Variants in MCM6 observed in about 807,000 individuals in gnomAD.
MCM6 encodes DNA replication licensing factor MCM6.
MCM6 carries 46 observed loss-of-function variants against 94.3 expected under a neutral mutation model. That is an observed-to-expected ratio of 0.49 (90% CI 0.39 to 0.62). MCM6 has a LOEUF of 0.62. Among genes scored for constraint, MCM6 ranks in the 20% least tolerant of loss-of-function variants. The pLI, the probability that MCM6 is intolerant of heterozygous loss-of-function variation, is 0.00. For missense variants in MCM6, 865 were observed against 1,017.9 expected (o/e 0.85, Z 2.04); for synonymous variants, 335 against 351.9 (o/e 0.95, Z 0.54).
chr2:135,858,141 C>A, intron 9 of MCM6, 137 bp from the exon 10 acceptor site: 1 of 739,214 alleles, frequency 1.4e-6, no homozygotes, highest in Non-Finnish European at 2.4e-6. Flanking sequence ...TTACAGTGAG[C>A]CATGATTGCC....
intron 1 of MCM6, among the ~76,000 whole-genome samples, chr2:135,874,092 G>A (rs1680252834): frequency 6.6e-6 from 1 of 152,198 alleles, no homozygotes; most frequent in Admixed American, 6.5e-5. Flanking sequence ...TTTTGTGACA[G>A]GGAGTTGGCA....
chr2:135,870,111 G>A, intron 3 of MCM6, 140 bp downstream of exon 3: 1 of 574,286 alleles, frequency 1.7e-6, no homozygotes, highest in Non-Finnish European at 3.2e-6. Flanking sequence ...CTGAGGCTCA[G>A]GGAGGTAAAA....
intron 1 of MCM6, 141 bp from the exon 2 acceptor site, chr2:135,872,984 A>C: frequency 1.0e-6 from 1 of 964,408 alleles, no homozygotes; most frequent in East Asian, 2.6e-5. Flanking sequence ...GGGGCAAGTT[A>C]CTCCTCCCTT....
intron 3 of MCM6, 77 bp from the exon 4 acceptor site, chr2:135,868,937 T>A: frequency 7.2e-7 from 1 of 1,387,028 alleles, no homozygotes; most frequent in Non-Finnish European, 1.0e-6. Flanking sequence ...GAGAGGGTAT[T>A]CAAAGATAAT....
chr2:135,861,286 C>T (rs1679988246), intron 8 of MCM6, among the ~76,000 whole-genome samples: 2 of 151,996 alleles, frequency 1.3e-5, no homozygotes, highest in Non-Finnish European at 2.9e-5. Flanking sequence ...TTTTAATATT[C>T]ATGGCTCGGT....
chr2:135,863,723 T>TAACAAAATAA (rs1680035031), intron 7 of MCM6, among the ~76,000 whole-genome samples: 1 of 147,034 alleles, frequency 6.8e-6, no homozygotes, highest in African/African-American at 2.5e-5. Context: ...AGTAAGACCC[T>TAACAAAATAA]AACAAAACAA....
intron 1 of MCM6, among the ~76,000 whole-genome samples, chr2:135,875,951 C>T (rs1680287669): frequency 6.6e-6 from 1 of 152,230 alleles, no homozygotes; most frequent in Non-Finnish European, 1.5e-5. Context: ...GTTTCCGCGC[C>T]GGTCACCGAG....
chr2:135,873,232 T>C (rs1411332262), intron 1 of MCM6, among the ~76,000 whole-genome samples: 1 of 152,238 alleles, frequency 6.6e-6, no homozygotes, highest in East Asian at 1.9e-4. Context: ...CCTTCCACCA[T>C]GATTGTGAGG....
chr2:135,856,860 G>A lies in MCM6; in HGVS notation c.1494C>T (p.Ser498=). The change falls in exon 11 of 17, where the codon TCC becomes TCT. Residue 498 remains serine (S), a synonymous_variant. Transcript: ENST00000264156. ...GVKATLNART[S]ILAAANPISG... The stretch of plus-strand genomic sequence containing the variant: ...TGATTGGGTTTGCTGCTGCCAAAAT[G>A]GACGTCCGGGCGTTCAGAGTAGCCT... The A allele has an allele frequency of 6.2e-7, 1 of 1,613,982 alleles. No individual in the cohort carries two copies. Among genetic ancestry groups the A allele is most frequent in the Non-Finnish European group, 8.5e-7 (1 of 1,179,932 alleles).
intron 14 of MCM6, among the ~76,000 whole-genome samples, chr2:135,847,416 A>C (rs1440654646): frequency 6.6e-6 from 1 of 152,218 alleles, no homozygotes; most frequent in Non-Finnish European, 1.5e-5. Flanking sequence ...CCATCTCAAA[A>C]TAAATAAAAT....
intron 3 of MCM6, among the ~76,000 whole-genome samples, chr2:135,869,386 G>A (rs1680161016): frequency 7.1e-6 from 1 of 141,224 alleles, no homozygotes; most frequent in Non-Finnish European, 1.5e-5. Context: ...GGGTGACAGA[G>A]CAAGACTCTG....
In MCM6 at chr2:135,848,134, G is replaced by A. The variant is rs142938887; in HGVS notation, c.1972C>T (p.Arg658Cys). ...AGATTGACATCAGGTGTTTCCACAC[G>A]GATGATTGATTTATTCAGTAACCGG... ...AFRLLNKSII[R>C]VETPDVNLDQ... is the part of the protein sequence containing the mutation. The change falls in exon 14 of 17, where the codon CGT becomes TGT. Residue 658 changes from arginine (R) to cysteine (C), a missense_variant. Physicochemically the swap from Arg to Cys is radical, Grantham distance 180. Around this residue, in one of 3 missense-constraint regions of MCM6, gnomAD observed 308 missense variants for 324.5 expected, o/e 0.95. Transcript: ENST00000264156. The A allele has an allele frequency of 2.2e-5, 36 of 1,610,228 alleles. No individual in the cohort carries two copies. Among genetic ancestry groups the A allele is most frequent in the East Asian group, 8.9e-5 (4 of 44,852 alleles).
At chr2:135,843,313 G>A (rs1452661101) in intron 16 of MCM6, among the ~76,000 whole-genome samples, 4 of 152,300 alleles carry the variant, frequency 2.6e-5, no homozygotes, top group African/African-American at 7.2e-5. Flanking sequence ...CTATACATCT[G>A]GAGTTTACAG....
chr2:135,853,856 G>A (rs776406086), intron 11 of MCM6, among the ~76,000 whole-genome samples: 6 of 152,192 alleles, frequency 3.9e-5, no homozygotes, highest in Admixed American at 6.5e-5. Flanking sequence ...TGTGAATCAC[G>A]TAAAGGGTAT....
chr2:135,875,988 G>A (rs1680288395), intron 1 of MCM6, among the ~76,000 whole-genome samples: 2 of 152,356 alleles, frequency 1.3e-5, no homozygotes, highest in Admixed American at 6.5e-5. Context: ...GGCTCGCGGG[G>A]TGGTGAGCAT....
chr2:135,862,767 A>T lies in MCM6; in HGVS notation c.1079-19T>A, dbSNP rs1168935710. 6.2e-7 allele frequency: 1 copy of T among 1,611,062 alleles called. No individual in the cohort carries two copies. The highest frequency in any genetic ancestry group is 1.3e-5 in the African/African-American group (1 of 74,764). ...TCATTGCCTGAAATGAAAAGAAGCT[A>T]CAGATGAAAAACTAATTTTTCAACA... On this transcript the variant is annotated intron_variant, in intron 7 of 16. Coordinates refer to ENST00000264156, the MANE Select transcript of MCM6 (RefSeq NM_005915.6).
intron 14 of MCM6, 125 bp from the exon 15 acceptor site, chr2:135,846,517 ATT>A: frequency 1.3e-6 from 1 of 780,122 alleles, no homozygotes; most frequent in African/African-American, 1.8e-5. Context: ...TATTATTATT[ATT>A]TGTTTTAGAG....
rs1408908688 is a variant in MCM6 at position 135,846,304 on chromosome 2, C to T, written c.2142G>A (p.Arg714=). ...TTCGGCAGTACTCAGAGAAGCCCAGCCTTAAGGAGGCTTTGGGAGCAGACT... is the reference window on the plus strand; with the variant it reads ...TTCGGCAGTACTCAGAGAAGCCCAGTCTTAAGGAGGCTTTGGGAGCAGACT... The part of the protein sequence containing the change: ...NQESAPKASL[R]LGFSEYCRIS... The change falls in exon 15 of 17, where the codon AGG becomes AGA. Residue 714 remains arginine, a synonymous_variant. Coordinates refer to ENST00000264156, the MANE Select transcript of MCM6 (RefSeq NM_005915.6). The T allele has an allele frequency of 1.2e-6, 2 of 1,613,966 alleles. No individual in the cohort carries two copies. Among genetic ancestry groups the T allele is most frequent in the Middle Eastern group, 1.6e-4 (1 of 6,084 alleles).
At chr2:135,876,011 G>A (rs1246344727) in intron 1 of MCM6, among the ~76,000 whole-genome samples, 2 of 152,222 alleles carry the variant, frequency 1.3e-5, no homozygotes, top group East Asian at 3.9e-4. Flanking sequence ...AGTGACAGAA[G>A]CAAAGCGCTG....
Sources: gnomAD v4.1 joint callset for allele counts (sites outside exome capture counted in the v4.1 genomes callset) on GRCh38, gnomAD v4.1.1 for gene constraint, gnomAD v4.1.1 regional missense constraint, MANE v1.5 for transcripts, NCBI Gene and HGNC (gene_info 2026-07-23, HGNC 2026-07-21) for gene names.